Variants in XPNPEP3 observed in about 807,000 individuals in gnomAD.
The protein encoded by XPNPEP3 is X-prolyl aminopeptidase 3.
A neutral mutation model predicts 60.0 loss-of-function variants in XPNPEP3; 41 were observed. That is an observed-to-expected ratio of 0.68 (90% CI 0.53 to 0.89). The LOEUF (loss-of-function observed/expected upper bound fraction) is 0.89. XPNPEP3 is among the 40% of genes least tolerant of loss of function. The pLI, the probability that XPNPEP3 is intolerant of heterozygous loss-of-function variation, is 0.00. For synonymous variants in XPNPEP3, 212 were observed against 223.2 expected (o/e 0.95, Z 0.45); for missense variants, 598 against 638.9 (o/e 0.94, Z 0.69).
chr22:40,859,088 C>T (rs768931524), intron 1 of XPNPEP3, among the ~76,000 whole-genome samples: 4 of 152,192 alleles, frequency 2.6e-5, no homozygotes, highest in South Asian at 2.1e-4. Context: ...AGATGTGTTC[C>T]GCAGTAATTT....
intron 1 of XPNPEP3, chr22:40,861,767 A>C: frequency 2.5e-6 from 4 of 1,612,870 alleles, no homozygotes; most frequent in East Asian, 2.2e-5. Flanking sequence ...AATGACTTCC[A>C]CCTCCGTTTA....
intron 7 of XPNPEP3, among the ~76,000 whole-genome samples, chr22:40,914,845 A>G (rs780819705): frequency 6.6e-6 from 1 of 152,004 alleles, no homozygotes; most frequent in Non-Finnish European, 1.5e-5. Flanking sequence ...AATCTGGACA[A>G]AATATTAAAA....
At chr22:40,873,665 G>GCTA (rs1236679547) in intron 2 of XPNPEP3, among the ~76,000 whole-genome samples, 1 of 151,820 alleles carries the variant, frequency 6.6e-6, no homozygotes, top group African/African-American at 2.4e-5. Flanking sequence ...TGTAGTCCTA[G>GCTA]CTACGCCTAT....
chr22:40,881,456 C>CAAAAA (rs371356285), intron 2 of XPNPEP3, among the ~76,000 whole-genome samples: 2 of 120,122 alleles, frequency 1.7e-5, no homozygotes, highest in Non-Finnish European at 3.6e-5. Context: ...AACTCTGTCT[C>CAAAAA]AAAAAAAAAA....
At chr22:40,898,455 T>A (rs540460957) in intron 4 of XPNPEP3, among the ~76,000 whole-genome samples, 2 of 141,500 alleles carry the variant, frequency 1.4e-5, no homozygotes, top group African/African-American at 5.9e-5. Flanking sequence ...GGGTTTCACC[T>A]TGTTAGCCAG....
intron 4 of XPNPEP3, among the ~76,000 whole-genome samples, chr22:40,888,996 G>C (rs975469341): frequency 6.6e-6 from 1 of 151,834 alleles, no homozygotes; most frequent in Non-Finnish European, 1.5e-5. Context: ...TGTGCTTCCT[G>C]CCTTCCTAAT....
rs537321628 is a variant in XPNPEP3, at chr22:40,889,942, T to C, written c.792+3427T>C. On this transcript the variant is annotated intron_variant, in intron 4 of 9. Transcript: ENST00000357137. ...CACTTTCTTGTGTTTTTGTACGAAC[T>C]GTACAGTCCTTTGGCCTCCTTGATC... Among the ~76,000 whole-genome samples the C allele has an allele frequency of 3.5e-4, 53 of 152,360 alleles. No individual in the cohort carries two copies. In the South Asian group the frequency reaches 0.011, roughly 32 times the overall value.
At chr22:40,895,642 T>C (rs763030428) in intron 4 of XPNPEP3, among the ~76,000 whole-genome samples, 12 of 152,066 alleles carry the variant, frequency 7.9e-5, no homozygotes, top group Non-Finnish European at 1.0e-4. Flanking sequence ...GCCCAGACTT[T>C]TTTAAATTAA....
At chr22:40,910,233 A>C (rs2058172295) in intron 6 of XPNPEP3, among the ~76,000 whole-genome samples, 1 of 151,946 alleles carries the variant, frequency 6.6e-6, no homozygotes, top group South Asian at 2.1e-4. Flanking sequence ...GTCCCATCCC[A>C]CTTCCTCCCT....
chr22:40,890,632 C>T (rs2058084966), intron 4 of XPNPEP3, among the ~76,000 whole-genome samples: 11 of 151,724 alleles, frequency 7.3e-5, no homozygotes. Flanking sequence ...TTTGGGAGGC[C>T]AAGGTGGGCA....
At chr22:40,906,486 T>C (rs1347993188) in intron 4 of XPNPEP3, among the ~76,000 whole-genome samples, 1 of 151,980 alleles carries the variant, frequency 6.6e-6, no homozygotes, top group African/African-American at 2.4e-5. Context: ...AAATTACTTA[T>C]ACTGTAGGTC....
Position 40,923,999 on chromosome 22 carries a change from T to C in XPNPEP3, c.1237-363T>C, listed in dbSNP as rs377001451. 4.6e-5 allele frequency among the ~76,000 whole-genome samples: 7 copies of C among 152,284 alleles called. No homozygotes were observed. In the East Asian group the frequency reaches 1.2e-3, roughly 25 times the overall value. On this transcript the variant is annotated intron_variant, in intron 8 of 9. Coordinates refer to ENST00000357137, the MANE Select transcript of XPNPEP3 (RefSeq NM_022098.4). ...GGAAAGAGAACTGTGATAATAGTCA[T>C]CCTCTCTTTCCCAAGAAAAGAGATT...
chr22:40,920,968 T>C (rs2058214303), intron 7 of XPNPEP3, among the ~76,000 whole-genome samples: 1 of 152,142 alleles, frequency 6.6e-6, no homozygotes, highest in Admixed American at 6.6e-5. Context: ...GATTTTGTAT[T>C]TTTAGTAGAG....
rs576413692 is a variant in XPNPEP3 at position 40,928,189 on chromosome 22, A to T, written c.*1754A>T. On this transcript the variant is annotated 3_prime_UTR_variant, in exon 10 of 10. Coordinates refer to ENST00000357137, the MANE Select transcript of XPNPEP3 (RefSeq NM_022098.4). ...ACTAGCACTGGGAGTGCAGTGGTAA[A>T]GAGTCATACTTCTTTTTTTTTTTTT... 6.7e-6 allele frequency: 1 copy of T among 150,276 alleles called. No individual in the cohort carries two copies. The highest frequency in any genetic ancestry group is 2.0e-4 in the East Asian group (1 of 4,990). 9.3% of individuals were successfully genotyped at this position (150,276 alleles called of 1,614,324 possible). A position where few individuals can be genotyped will look rare whatever the true frequency, so the allele number is the denominator to read the frequency against.
chr22:40,861,727 A>G (rs1318095450), intron 1 of XPNPEP3: 1 of 1,614,010 alleles, frequency 6.2e-7, no homozygotes, highest in Admixed American at 1.7e-5. Flanking sequence ...GGCTTATGGA[A>G]TGTGAAGCCG....
At chr22:40,905,662 G>C (rs1347801595) in intron 4 of XPNPEP3, among the ~76,000 whole-genome samples, 1 of 152,178 alleles carries the variant, frequency 6.6e-6, no homozygotes. Flanking sequence ...CTATGAGGAG[G>C]AAACATTTGA....
intron 4 of XPNPEP3, among the ~76,000 whole-genome samples, chr22:40,901,143 G>T (rs1448451786): frequency 6.6e-6 from 1 of 150,912 alleles, no homozygotes; most frequent in Non-Finnish European, 1.5e-5. Context: ...TTGTTTAAAA[G>T]GACACTATCA....
chr22:40,911,034 TATG>T (rs978558219), intron 6 of XPNPEP3, among the ~76,000 whole-genome samples: 2 of 152,038 alleles, frequency 1.3e-5, no homozygotes, highest in Non-Finnish European at 2.9e-5. Flanking sequence ...TAAAAATATA[TATG>T]ATAATATAAA....
rs539024791 is a variant in XPNPEP3, at chr22:40,919,892, A to G, written c.1056-2441A>G. Among the ~76,000 whole-genome samples the G allele has an allele frequency of 3.3e-5, 5 of 152,324 alleles. No individual in the cohort carries two copies. The East Asian group carries it at 9.6e-4, about 29-fold the overall frequency. ...TTTTGTTACTGATTGAAGCACCACC[A>G]TGGATGTACTGCATAGACAACCTTC... is the stretch of plus-strand genomic sequence containing the variant. On this transcript the variant is annotated intron_variant, in intron 7 of 9. Transcript: ENST00000357137.
Sources: gnomAD v4.1 joint callset for allele counts (sites outside exome capture counted in the v4.1 genomes callset) on GRCh38, gnomAD v4.1.1 for gene constraint, MANE v1.5 for transcripts, NCBI Gene and HGNC (gene_info 2026-07-23, HGNC 2026-07-21) for gene names.